Variants in PIEZO2 observed in about 807,000 individuals in gnomAD.
The protein encoded by PIEZO2 is piezo type mechanosensitive ion channel component 2, also known as piezo-type mechanosensitive ion channel component 2.
Under a neutral mutation model 337.3 loss-of-function variants are expected in PIEZO2, and 172 were observed. The observed-to-expected ratio is 0.51, with a 90% CI of 0.45 to 0.58. The LOEUF (loss-of-function observed/expected upper bound fraction) is 0.58. Among genes scored for constraint, PIEZO2 ranks in the 20% least tolerant of loss-of-function variants. The pLI, the probability that PIEZO2 is intolerant of heterozygous loss-of-function variation, is 0.00. For missense variants in PIEZO2, 3,028 were observed against 3,391.3 expected (o/e 0.89, Z 2.66); for synonymous variants, 1,251 against 1,228.5 (o/e 1.02, Z -0.38).
chr18:11,102,517 G>A lies in PIEZO2; in HGVS notation c.65-36295C>T, dbSNP rs1465928497. 6.6e-6 allele frequency among the ~76,000 whole-genome samples: 1 copy of A among 152,210 alleles called. No homozygotes were observed. Among genetic ancestry groups the A allele is most frequent in the Non-Finnish European group, 1.5e-5 (1 of 68,032 alleles). On this transcript the variant is annotated intron_variant, in intron 1 of 55. Transcript: ENST00000674853. The surrounding 1 kb of genome is among the most constrained non-coding windows in gnomAD (Gnocchi z 5.7). ...ATTCCCTTTCCTTCCCCTGCCTAGGGCAGAGCAGAGGATGGGGCTATGGGG... is the reference window on the plus strand; with the variant it reads ...ATTCCCTTTCCTTCCCCTGCCTAGGACAGAGCAGAGGATGGGGCTATGGGG...
At chr18:10,873,622 G>A (rs1598613034) in intron 4 of PIEZO2, among the ~76,000 whole-genome samples, 3 of 120,616 alleles carry the variant, frequency 2.5e-5, no homozygotes, top group South Asian at 2.6e-4. Flanking sequence ...ATGGACAGAC[G>A]GTATTTAACT....
chr18:11,023,587 C>T (rs1358851208), intron 2 of PIEZO2, among the ~76,000 whole-genome samples: 1 of 152,274 alleles, frequency 6.6e-6, no homozygotes, highest in Non-Finnish European at 1.5e-5. Flanking sequence ...GCTGGCTTCA[C>T]CCAGTGGATC....
At chr18:11,026,415 C>T (rs966099519) in intron 2 of PIEZO2, among the ~76,000 whole-genome samples, 46 of 152,146 alleles carry the variant, frequency 3.0e-4, no homozygotes, top group Non-Finnish European at 3.1e-4. Flanking sequence ...TGACTGGTCC[C>T]TTCTGTGACT....
At chr18:11,124,682 C>G (rs948386277) in intron 1 of PIEZO2, among the ~76,000 whole-genome samples, 3 of 152,082 alleles carry the variant, frequency 2.0e-5, no homozygotes, top group African/African-American at 7.2e-5. Context: ...AGGGTTCAAG[C>G]CCCAGGATGA....
intron 11 of PIEZO2, among the ~76,000 whole-genome samples, chr18:10,798,084 A>G (rs1182359089): frequency 1.2e-4 from 18 of 152,216 alleles, no homozygotes; most frequent in Admixed American, 1.2e-3. Flanking sequence ...AGGCCAGCCA[A>G]TAGCTACACA....
At chr18:11,023,585 C>T (rs1446024776) in intron 2 of PIEZO2, among the ~76,000 whole-genome samples, 1 of 152,270 alleles carries the variant, frequency 6.6e-6, no homozygotes, top group Non-Finnish European at 1.5e-5. Context: ...CAGCTGGCTT[C>T]ACCCAGTGGA....
chr18:10,845,111 G>C (rs115617185), intron 7 of PIEZO2, among the ~76,000 whole-genome samples: 3,498 of 151,848 alleles, frequency 0.023, 141 homozygotes, highest in African/African-American at 0.078. Context: ...ATACATACCA[G>C]ACACCATTTT....
chr18:11,074,397 G>T (rs2038456338), intron 1 of PIEZO2, among the ~76,000 whole-genome samples: 1 of 152,186 alleles, frequency 6.6e-6, no homozygotes, highest in African/African-American at 2.4e-5. Context: ...TTTAGCTAAG[G>T]TGCTTTAGCA....
rs1376451368 is a variant in PIEZO2 at position 10,872,129 on chromosome 18, C to T, written c.330-714G>A. 6.6e-6 allele frequency among the ~76,000 whole-genome samples: 1 copy of T among 152,132 alleles called. No homozygotes were observed. The highest frequency in any genetic ancestry group is 1.5e-5 in the Non-Finnish European group (1 of 68,022). On this transcript the variant is annotated intron_variant, in intron 4 of 55. Coordinates refer to ENST00000674853, the MANE Select transcript of PIEZO2 (RefSeq NM_001378183.1). This position sits in a 1 kb window ranked among gnomAD's most constrained non-coding sequence, Gnocchi z 4.3. ...ACGGTTTTAGAAGAAAATATAAATA[C>T]ATATACATGAAATAATGTTCGTGAA...
At position 10,705,449 on chromosome 18, in the gene PIEZO2, T is replaced by C; in HGVS notation, c.5886A>G (p.Ala1962=). The C allele has an allele frequency of 6.5e-7, 1 of 1,537,224 alleles. No homozygotes were observed. Among genetic ancestry groups the C allele is most frequent in the South Asian group, 1.2e-5 (1 of 84,062 alleles). Residue 1962 remains alanine, a synonymous_variant, in exon 41 of 56, where the codon GCA becomes GCG. Coordinates refer to ENST00000674853, the MANE Select transcript of PIEZO2 (RefSeq NM_001378183.1). ...GGCTGACTGCCATACGGTTCTTGCC[T>C]GCAGAGTCGTCCTGCGAGCCGAAGG... ...HLSFGSQDDS[A]GKNRMAVSPD...
At position 10,715,753 on chromosome 18, in the gene PIEZO2, A is replaced by G. The variant is rs1357127148; in HGVS notation, c.5153T>C (p.Val1718Ala). Reference protein sequence around the residue: ...KFTWVLFLATVDSFTTWLNSI... With the variant: ...KFTWVLFLATADSFTTWLNSI... ...GTTAAGCCAAGTAGTGAAACTGTCC[A>G]CTGTTGCCAGAAATAGGACCCAGGT... is the stretch of plus-strand genomic sequence containing the variant. Residue 1718 changes from valine to alanine, a missense_variant, in exon 38 of 56, where the codon GTG (valine) becomes GCG (alanine). Around this residue, in one of 5 missense-constraint regions of PIEZO2, gnomAD observed 1,925 missense variants for 2,051.9 expected, o/e 0.94. Transcript: ENST00000674853. 21 of 1,535,084 alleles carry G rather than the reference A, an allele frequency of 1.4e-5. No individual in the cohort carries two copies. The East Asian group carries it at 3.7e-4, about 27-fold the overall frequency.
At chr18:10,674,040 A>ACCCAAGG (rs2033889925) in intron 54 of PIEZO2, among the ~76,000 whole-genome samples, 1 of 152,218 alleles carries the variant, frequency 6.6e-6, no homozygotes, top group Admixed American at 6.5e-5. Context: ...AGATGGTAGG[A>ACCCAAGG]ATCCAAGAAT....
chr18:10,706,598 T>C (rs1359984514), intron 40 of PIEZO2, among the ~76,000 whole-genome samples: 1 of 152,240 alleles, frequency 6.6e-6, no homozygotes, highest in Non-Finnish European at 1.5e-5. Flanking sequence ...TCTACTCTCA[T>C]CCTCACTCCC....
At chr18:10,817,973 C>T (rs1335723593) in intron 7 of PIEZO2, among the ~76,000 whole-genome samples, 1 of 150,788 alleles carries the variant, frequency 6.6e-6, no homozygotes, top group Non-Finnish European at 1.5e-5. Flanking sequence ...AAGACTATTA[C>T]CTGAATTAAA....
At chr18:11,011,256 T>C (rs2035889761) in intron 2 of PIEZO2, among the ~76,000 whole-genome samples, 1 of 152,258 alleles carries the variant, frequency 6.6e-6, no homozygotes, top group South Asian at 2.1e-4. Flanking sequence ...ATCTGTGTCC[T>C]ACAATTGTAT....
chr18:10,723,878 G>A (rs555351521), intron 36 of PIEZO2, among the ~76,000 whole-genome samples: 2 of 152,214 alleles, frequency 1.3e-5, no homozygotes, highest in African/African-American at 4.8e-5. Flanking sequence ...TCAGAGGAGA[G>A]AGGGTATTCT....
At chr18:10,701,847 A>T (rs77230201) in intron 43 of PIEZO2, 142 bp downstream of exon 43, 3 of 342,192 alleles carry the variant, frequency 8.8e-6, no homozygotes, top group East Asian at 5.2e-5. Flanking sequence ...TTTTTTTTTA[A>T]AAAAAACATA....
At position 11,127,726 on chromosome 18, in the gene PIEZO2, C is replaced by CATATATATGTATGTGT. The variant is rs1384717870; in HGVS notation, c.64+20783_64+20798dup. ...TATATGTCATGTATATATATACACA[C>CATATATATGTATGTGT]ATATATATGTATGTGTATATATATG... On this transcript the variant is annotated intron_variant, in intron 1 of 55. Coordinates refer to ENST00000674853, the MANE Select transcript of PIEZO2 (RefSeq NM_001378183.1). The surrounding 1 kb of genome is among the most constrained non-coding windows in gnomAD (Gnocchi z 4.5). Among the ~76,000 whole-genome samples the CATATATATGTATGTGT allele has an allele frequency of 3.3e-5, 5 of 150,642 alleles. No homozygotes were observed. The East Asian group carries it at 9.7e-4, about 29-fold the overall frequency.
chr18:10,709,835 C>A (rs537387248), intron 39 of PIEZO2, among the ~76,000 whole-genome samples: 1 of 152,248 alleles, frequency 6.6e-6, no homozygotes, highest in South Asian at 2.1e-4. Flanking sequence ...TGTGAGCAAC[C>A]AAAATACTCT....
Sources: allele counts gnomAD v4.1 joint callset (sites outside exome capture counted in the v4.1 genomes callset), GRCh38; gene constraint gnomAD v4.1.1; regional missense constraint gnomAD v4.1.1; non-coding constraint Gnocchi (gnomAD v3.1); transcripts MANE v1.5; gene names NCBI Gene and HGNC (gene_info 2026-07-23, HGNC 2026-07-21).